TGFBR2: variants seen among roughly 807,000 people sequenced by gnomAD.
The protein encoded by TGFBR2 is TGF-beta receptor type-2.
A neutral mutation model predicts 49.0 loss-of-function variants in TGFBR2; 18 were observed. That is an observed-to-expected ratio of 0.37 (90% CI 0.25 to 0.54). The LOEUF (loss-of-function observed/expected upper bound fraction) is 0.54, where lower values mean the gene tolerates loss of function less well. Ranked by LOEUF, TGFBR2 falls within the 20% of genes least tolerant of loss-of-function variation. TGFBR2 has a pLI of 0.85. For synonymous variants in TGFBR2, 282 were observed against 275.9 expected (o/e 1.02, Z -0.22); for missense variants, 525 against 722.6 (o/e 0.73, Z 3.13).
intron 5 of TGFBR2, among the ~76,000 whole-genome samples, chr3:30,678,565 A>AAAG (rs1559469319): frequency 2.0e-5 from 3 of 150,362 alleles, no homozygotes; most frequent in African/African-American, 7.4e-5. Context: ...AAAAAAAAAA[A>AAAG]AAAGAGGTAT....
chr3:30,661,319 T>C (rs1354434076), intron 3 of TGFBR2, among the ~76,000 whole-genome samples: 3 of 152,154 alleles, frequency 2.0e-5, no homozygotes, highest in African/African-American at 7.2e-5. Context: ...GACAGATGTG[T>C]CATCATTTCC....
chr3:30,631,621 C>CTTTTTTTT (rs71093918), intron 1 of TGFBR2, among the ~76,000 whole-genome samples: 6 of 115,378 alleles, frequency 5.2e-5, no homozygotes, highest in Non-Finnish European at 5.5e-5. Context: ...CAACTTCTTT[C>CTTTTTTTT]TTTTTTTTTT....
At chr3:30,678,042 T>C (rs1699469393) in intron 5 of TGFBR2, among the ~76,000 whole-genome samples, 1 of 152,166 alleles carries the variant, frequency 6.6e-6, no homozygotes, top group African/African-American at 2.4e-5. Context: ...AGCAGTCTTA[T>C]TTCAAAAAAG....
intron 6 of TGFBR2, among the ~76,000 whole-genome samples, 157 bp from the exon 7 acceptor site, chr3:30,691,263 T>C (rs1250645787): frequency 1.3e-5 from 2 of 152,222 alleles, no homozygotes; most frequent in Admixed American, 6.5e-5. Context: ...TGGAACTGGC[T>C]GGCCTGCAGC....
chr3:30,686,165 T>C (rs1699618232), intron 5 of TGFBR2, among the ~76,000 whole-genome samples: 1 of 152,232 alleles, frequency 6.6e-6, no homozygotes, highest in African/African-American at 2.4e-5. Flanking sequence ...ACCGAACTCA[T>C]ATTTATTAAA....
chr3:30,665,297 G>T (rs1699222793), intron 3 of TGFBR2, among the ~76,000 whole-genome samples: 1 of 152,124 alleles, frequency 6.6e-6, no homozygotes, highest in Non-Finnish European at 1.5e-5. Flanking sequence ...GTACTTACTA[G>T]GAACAACTTT....
chr3:30,650,240 C>T (rs768960071), intron 2 of TGFBR2, 30 bp from the exon 3 acceptor site: 1 of 1,606,044 alleles, frequency 6.2e-7, no homozygotes, highest in Non-Finnish European at 8.5e-7. Flanking sequence ...CTCCCTCTCC[C>T]CTCGCTTCCA....
At chr3:30,650,497 T>G (rs1264059206) in intron 3 of TGFBR2, 37 bp downstream of exon 3, 1 of 1,610,024 alleles carries the variant, frequency 6.2e-7, no homozygotes, top group Non-Finnish European at 8.5e-7. Flanking sequence ...GGACCTGAGA[T>G]CTGTGCCAAT....
rs748246142 is a variant in TGFBR2 at position 30,606,908 on chromosome 3, C to T, written c.25C>T (p.Leu9=). 5.0e-6 allele frequency: 8 copies of T among 1,593,410 alleles called. No homozygotes were observed. Among genetic ancestry groups the T allele is most frequent in the Non-Finnish European group, 2.6e-6 (3 of 1,169,558 alleles). Residue 9 remains leucine, a synonymous_variant, in exon 1 of 7, where the codon CTG becomes TTG. Transcript: ENST00000295754. MGRGLLRG[L]WPLHIVLWTR... is the part of the protein sequence containing the mutation. ...CATGGGTCGGGGGCTGCTCAGGGGC[C>T]TGTGGCCGCTGCACATCGTCCTGTG...
At chr3:30,650,626 G>C (rs11466497) in intron 3 of TGFBR2, among the ~76,000 whole-genome samples, 166 bp downstream of exon 3, 1,987 of 152,230 alleles carry the variant, frequency 0.013, 46 homozygotes, top group African/African-American at 0.045. Context: ...AGCAGGGTTT[G>C]TTCTGGTTCT....
At chr3:30,607,457 C>T (rs368881447) in intron 1 of TGFBR2, among the ~76,000 whole-genome samples, 6 of 152,224 alleles carry the variant, frequency 3.9e-5, no homozygotes, top group Non-Finnish European at 5.9e-5. Flanking sequence ...CTCCTGGAGA[C>T]GGCCACGCTT....
At chr3:30,622,758 T>C in intron 1 of TGFBR2, among the ~76,000 whole-genome samples, 1 of 151,206 alleles carries the variant, frequency 6.6e-6, no homozygotes, top group Non-Finnish European at 1.5e-5. Flanking sequence ...GACACGCCTA[T>C]AATCCCAGCT....
rs1699369134 is a variant in TGFBR2 at position 30,672,886 on chromosome 3, C to T, written c.1254+449C>T. Among the ~76,000 whole-genome samples, 1 of 152,192 alleles carries T rather than the reference C, an allele frequency of 6.6e-6. No individual in the cohort carries two copies. The highest frequency in any genetic ancestry group is 1.5e-5 in the Non-Finnish European group (1 of 68,034). ...GTCCAAATCTACATCCACATGGTCACCCAAGATATGTAGCACAATGCCTTG... is the reference window on the plus strand; with the variant it reads ...GTCCAAATCTACATCCACATGGTCATCCAAGATATGTAGCACAATGCCTTG... On this transcript the variant is annotated intron_variant, in intron 4 of 6. Coordinates refer to ENST00000295754, the MANE Select transcript of TGFBR2 (RefSeq NM_003242.6). The surrounding 1 kb of genome is among the most constrained non-coding windows in gnomAD (Gnocchi z 4.5).
intron 3 of TGFBR2, among the ~76,000 whole-genome samples, chr3:30,663,343 TTGTTTTGCCTCTACAGTG>T (rs1290039222): frequency 6.6e-6 from 1 of 152,238 alleles, no homozygotes; most frequent in Non-Finnish European, 1.5e-5. Flanking sequence ...TTAAAATTGA[TTGTTTTGCCTCTACAGTG>T]TGTTTTTTTG....
intron 3 of TGFBR2, among the ~76,000 whole-genome samples, chr3:30,657,063 A>T (rs997997118): frequency 6.6e-6 from 1 of 152,218 alleles, no homozygotes; most frequent in Non-Finnish European, 1.5e-5. Context: ...ATGACAAAAA[A>T]GTGGGTCTCC....
At chr3:30,644,430 G>T (rs2125404367) in intron 1 of TGFBR2, among the ~76,000 whole-genome samples, 1 of 152,222 alleles carries the variant, frequency 6.6e-6, no homozygotes, top group African/African-American at 2.4e-5. Context: ...TCCGTACTAT[G>T]CAGTGGGCCC....
In TGFBR2 at chr3:30,672,528, G is replaced by A; in HGVS notation, c.1254+91G>A. The A allele has an allele frequency of 1.4e-6, 2 of 1,382,942 alleles. No individual in the cohort carries two copies. The highest frequency in any genetic ancestry group is 1.0e-6 in the Non-Finnish European group (1 of 972,034). 85.7% of individuals were successfully genotyped at this position (1,382,942 alleles called of 1,614,324 possible). A position where few individuals can be genotyped will look rare whatever the true frequency, so the allele number is the denominator to read the frequency against. ...TATCTCCTGGCTCTTATCTCAAACA[G>A]CCCTGTACTCTGGACACTGGTCTAG... is the stretch of plus-strand genomic sequence containing the variant. On this transcript the variant is annotated intron_variant, in intron 4 of 6. Coordinates refer to ENST00000295754, the MANE Select transcript of TGFBR2 (RefSeq NM_003242.6). This position sits in a 1 kb window ranked among gnomAD's most constrained non-coding sequence, Gnocchi z 4.5.
chr3:30,607,324 GAGCGGCAGCCTGAGCTGCCAA>G (rs1473813637), intron 1 of TGFBR2, among the ~76,000 whole-genome samples: 4 of 152,338 alleles, frequency 2.6e-5, no homozygotes, highest in Admixed American at 2.0e-4. Context: ...CAGCGGCCCG[GAGCGGCAGCCTGAGCTGCCAA>G]AGCAGCCAGC....
At chr3:30,690,052 G>A (rs569244533) in intron 6 of TGFBR2, among the ~76,000 whole-genome samples, 63 of 152,232 alleles carry the variant, frequency 4.1e-4, no homozygotes, top group African/African-American at 1.5e-3. Flanking sequence ...GGGTGGGGAG[G>A]GAGAGATAGG....
Sources: allele counts gnomAD v4.1 joint callset (sites outside exome capture counted in the v4.1 genomes callset), GRCh38; gene constraint gnomAD v4.1.1; non-coding constraint Gnocchi (gnomAD v3.1); transcripts MANE v1.5; gene names NCBI Gene and HGNC (gene_info 2026-07-23, HGNC 2026-07-21).